Variants in EBF3 observed in about 807,000 individuals in gnomAD.
EBF3 encodes transcription factor COE3.
EBF3 carries 18 observed loss-of-function variants against 77.1 expected under a neutral mutation model. That is an observed-to-expected ratio of 0.23 (90% CI 0.16 to 0.35). EBF3 has a LOEUF of 0.35. Among genes scored for constraint, EBF3 ranks in the 10% least tolerant of loss-of-function variants. The pLI, the probability that EBF3 is intolerant of heterozygous loss-of-function variation, is 1.00. For synonymous variants in EBF3, 350 were observed against 343.5 expected, an observed-to-expected ratio of 1.02 and a Z score of -0.21; for missense variants, 558 against 860.0, an observed-to-expected ratio of 0.65 and a Z score of 4.39.
At chr10:129,914,804 C>A (rs533429960) in intron 6 of EBF3, among the ~76,000 whole-genome samples, 5 of 152,212 alleles carry the variant, frequency 3.3e-5, no homozygotes, top group Admixed American at 3.3e-4. Context: ...TCAGGCCCCC[C>A]ACCTTCTCCC....
At chr10:129,867,699 T>G (rs1852121348) in intron 9 of EBF3, 83 bp downstream of exon 9, 1 of 1,575,236 alleles carries the variant, frequency 6.3e-7, no homozygotes, top group African/African-American at 1.3e-5. Flanking sequence ...TAGGGCACCT[T>G]GTGTCAATAC....
chr10:129,902,112 C>T (rs1459837365), intron 6 of EBF3, among the ~76,000 whole-genome samples: 2 of 152,040 alleles, frequency 1.3e-5, no homozygotes, highest in East Asian at 1.9e-4. Flanking sequence ...GGGAAGTTTT[C>T]GGGGAATTAG....
intron 6 of EBF3, among the ~76,000 whole-genome samples, chr10:129,886,630 G>A (rs562239353): frequency 4.6e-5 from 7 of 152,216 alleles, no homozygotes; most frequent in Admixed American, 2.0e-4. Flanking sequence ...TCTGTTCTGC[G>A]GCCCTCTGGT....
chr10:129,840,530 G>A lies in EBF3; in HGVS notation c.1562-88C>T, dbSNP rs372968178. On this transcript the variant is annotated intron_variant, in intron 14 of 16. Coordinates refer to ENST00000440978, the MANE Select transcript of EBF3 (RefSeq NM_001375380.1). ...CCAAAGGCCTCGCCTCGGACGGGGG[G>A]GCAGGGGCACGAAAACAAAACATGA... 120 of 1,428,408 alleles carry A rather than the reference G, an allele frequency of 8.4e-5. No individual in the cohort carries two copies. The African/African-American group carries it at 1.3e-3, about 15-fold the overall frequency. The allele number at this position is 1,428,408 out of a possible 1,614,324, so 88.5% of individuals were successfully genotyped here.
Position 129,879,708 on chromosome 10 carries a change from C to T in EBF3, c.555-1859G>A, listed in dbSNP as rs1364462577. On this transcript the variant is annotated intron_variant, in intron 6 of 16. Coordinates refer to ENST00000440978, the MANE Select transcript of EBF3 (RefSeq NM_001375380.1). The surrounding 1 kb of genome is among the most constrained non-coding windows in gnomAD (Gnocchi z 4.7). ...TACAGTAAGTCACTTGATATTCCACCCACCAATTTTTCCTAACAACCACTG... is the reference window on the plus strand; with the variant it reads ...TACAGTAAGTCACTTGATATTCCACTCACCAATTTTTCCTAACAACCACTG... Among the ~76,000 whole-genome samples, 1 of 152,220 alleles carries T rather than the reference C, an allele frequency of 6.6e-6. No homozygotes were observed. The highest frequency in any genetic ancestry group is 1.5e-5 in the Non-Finnish European group (1 of 68,044).
chr10:129,898,562 C>T (rs542559013), intron 6 of EBF3, among the ~76,000 whole-genome samples: 2 of 152,322 alleles, frequency 1.3e-5, no homozygotes, highest in East Asian at 1.9e-4. Context: ...TTGCATCCGT[C>T]GCCCCACTCC....
chr10:129,930,223 T>C (rs1325664644), intron 6 of EBF3, among the ~76,000 whole-genome samples: 1 of 152,216 alleles, frequency 6.6e-6, no homozygotes, highest in Non-Finnish European at 1.5e-5. Flanking sequence ...TGAGCCGTGA[T>C]ACCAGCATCC....
At chr10:129,891,061 T>G (rs926225234) in intron 6 of EBF3, among the ~76,000 whole-genome samples, 4 of 152,230 alleles carry the variant, frequency 2.6e-5, no homozygotes, top group Non-Finnish European at 5.9e-5. Flanking sequence ...AGGGAAATTA[T>G]GATTCATGTC....
intron 6 of EBF3, among the ~76,000 whole-genome samples, chr10:129,911,510 C>T (rs1855522102): frequency 6.6e-6 from 1 of 152,184 alleles, no homozygotes; most frequent in African/African-American, 2.4e-5. Flanking sequence ...CAGAAACCCC[C>T]ATCCCCACCC....
chr10:129,901,819 G>A (rs1020312947), intron 6 of EBF3, among the ~76,000 whole-genome samples: 14 of 152,200 alleles, frequency 9.2e-5, no homozygotes, highest in South Asian at 4.1e-4. Context: ...GCCTCGTGGC[G>A]AGGGCTGCAA....
intron 6 of EBF3, among the ~76,000 whole-genome samples, chr10:129,927,015 G>T (rs1184989215): frequency 6.6e-6 from 1 of 152,222 alleles, no homozygotes; most frequent in Non-Finnish European, 1.5e-5. Context: ...CTGCTCCCTT[G>T]GGCAGTGCCA....
intron 6 of EBF3, among the ~76,000 whole-genome samples, chr10:129,891,690 C>T (rs771324539): frequency 1.3e-4 from 20 of 152,124 alleles, no homozygotes; most frequent in Non-Finnish European, 2.5e-4. Context: ...TTTGTGGATC[C>T]GTGGCCCGGT....
At position 129,841,316 on chromosome 10, in the gene EBF3, C is replaced by T. The variant is rs140801370; in HGVS notation, c.1373-284G>A. On this transcript the variant is annotated intron_variant, in intron 13 of 16. Coordinates refer to ENST00000440978, the MANE Select transcript of EBF3 (RefSeq NM_001375380.1). The surrounding 1 kb of genome is among the most constrained non-coding windows in gnomAD (Gnocchi z 4.6). The stretch of plus-strand genomic sequence containing the variant: ...CACGTTTCTCTTTAGAGGCAATTAT[C>T]AACAGCTTGGATTCCTGGTCTGTCC... Among the ~76,000 whole-genome samples the T allele has an allele frequency of 6.6e-6, 1 of 152,160 alleles. No homozygotes were observed. Among genetic ancestry groups the T allele is most frequent in the Non-Finnish European group, 1.5e-5 (1 of 68,028 alleles).
At position 129,839,039 on chromosome 10, in the gene EBF3, C is replaced by G. The variant is rs552385359; in HGVS notation, c.1872+44G>C. 1.2e-5 allele frequency: 15 copies of G among 1,302,876 alleles called. No homozygotes were observed. In the South Asian group the frequency reaches 1.9e-4, roughly 16 times the overall value. The allele number at this position is 1,302,876 out of a possible 1,614,324, so 80.7% of individuals were successfully genotyped here. A position where few individuals can be genotyped will look rare whatever the true frequency, so the allele number is the denominator to read the frequency against. On this transcript the variant is annotated intron_variant, in intron 16 of 16. Coordinates refer to ENST00000440978, the MANE Select transcript of EBF3 (RefSeq NM_001375380.1). ...TCGGGGGCCTGGGCGTCCCTTCATA[C>G]GCTAACGGATGTTGTGAAGACAATG... is the stretch of plus-strand genomic sequence containing the variant.
rs1204103332 is a variant in EBF3, at chr10:129,840,444, T to C, written c.1562-2A>G. ...CCATGGTGGGGCTGGACGGCACTAC[T>C]GCAACAAAGCAAACACGGTCAGCAC... On this transcript the variant is annotated splice_acceptor_variant, in intron 14 of 16. Transcript: ENST00000440978. LOFTEE classifies it high-confidence loss of function. 1 of 1,549,982 alleles carries C rather than the reference T, an allele frequency of 6.5e-7. No homozygotes were observed. The highest frequency in any genetic ancestry group is 8.7e-7 in the Non-Finnish European group (1 of 1,146,014).
chr10:129,946,881 T>C (rs1858265946), intron 6 of EBF3, among the ~76,000 whole-genome samples: 1 of 152,242 alleles, frequency 6.6e-6, no homozygotes, highest in South Asian at 2.1e-4. Flanking sequence ...GCTTGTCAAA[T>C]TTAATAAATG....
chr10:129,950,829 G>A (rs1006145138), intron 6 of EBF3, among the ~76,000 whole-genome samples: 4 of 152,128 alleles, frequency 2.6e-5, no homozygotes, highest in African/African-American at 7.2e-5. Flanking sequence ...GCAAGCTGAC[G>A]GAGGGAATGG....
At chr10:129,919,594 G>A (rs1223071015) in intron 6 of EBF3, among the ~76,000 whole-genome samples, 1 of 152,184 alleles carries the variant, frequency 6.6e-6, no homozygotes, top group East Asian at 1.9e-4. Flanking sequence ...CCCAGGCGTT[G>A]CCCTTGGTAA....
intron 6 of EBF3, among the ~76,000 whole-genome samples, chr10:129,889,950 T>C (rs1363667286): frequency 9.6e-6 from 1 of 104,516 alleles, no homozygotes; most frequent in Non-Finnish European, 1.8e-5. Flanking sequence ...AAGTGCCTTT[T>C]TTTTTTTTTT....
Sources: allele counts gnomAD v4.1 joint callset (sites outside exome capture counted in the v4.1 genomes callset), GRCh38; gene constraint gnomAD v4.1.1; non-coding constraint Gnocchi (gnomAD v3.1); transcripts MANE v1.5; gene names NCBI Gene and HGNC (gene_info 2026-07-23, HGNC 2026-07-21).